NCKAP5: variants seen among roughly 807,000 people sequenced by gnomAD.
NCKAP5 encodes NCK associated protein 5.
NCKAP5 carries 92 observed loss-of-function variants against 167.0 expected under a neutral mutation model. The ratio of observed to expected loss-of-function variants is 0.55; its 90% CI spans 0.47 to 0.66. The LOEUF (loss-of-function observed/expected upper bound fraction) is 0.66. NCKAP5 is among the 30% of genes least tolerant of loss of function. NCKAP5 has a pLI of 0.00. For missense variants in NCKAP5, 2,378 were observed against 2,315.0 expected (o/e 1.03, Z -0.56); for synonymous variants, 891 against 877.4 (o/e 1.02, Z -0.27).
At chr2:133,533,139 A>T (rs1038893923) in intron 2 of NCKAP5, among the ~76,000 whole-genome samples, 1 of 152,242 alleles carries the variant, frequency 6.6e-6, no homozygotes, top group Non-Finnish European at 1.5e-5. Context: ...CAGAGATTGC[A>T]AACCCAAATG....
Position 133,319,423 on chromosome 2 carries a change from A to G in NCKAP5, c.70-16313T>C, listed in dbSNP as rs74455491. Among the ~76,000 whole-genome samples, 1,147 of 152,238 alleles carry G rather than the reference A, an allele frequency of 7.5e-3. 23 individuals carry two copies. Among genetic ancestry groups the G allele is most frequent in the South Asian group, 0.073 (351 of 4,822 alleles). ...GTTTTTCAGGACGAGAGAAGTACCC[A>G]TGATAAATATGATGCAGGTGCACCC... On this transcript the variant is annotated intron_variant, in intron 3 of 19. Transcript: ENST00000409261.
At chr2:132,926,190 A>G in intron 8 of NCKAP5, 1 of 398,986 alleles carries the variant, frequency 2.5e-6, no homozygotes, top group Non-Finnish European at 5.1e-6. Context: ...AATGGCCTCC[A>G]GTTCCATCCA....
Position 132,911,037 on chromosome 2 carries a change from G to A in NCKAP5, c.580-32121C>T, listed in dbSNP as rs146460040. The stretch of plus-strand genomic sequence containing the variant: ...TTCCGTGCCATGTTGTCTTCTGACC[G>A]ACACCACCCATTCGGTAGAGAGACT... On this transcript the variant is annotated intron_variant, in intron 8 of 19. Transcript: ENST00000409261. 4.5e-3 allele frequency: 857 copies of A among 190,372 alleles called. 10 individuals carry two copies. The highest frequency in any genetic ancestry group is 0.019 in the African/African-American group (800 of 42,862). 11.8% of individuals were successfully genotyped at this position (190,372 alleles called of 1,614,324 possible). A position where few individuals can be genotyped will look rare whatever the true frequency, so the allele number is the denominator to read the frequency against.
At chr2:133,376,164 A>T (rs1008473655) in intron 3 of NCKAP5, among the ~76,000 whole-genome samples, 3 of 152,212 alleles carry the variant, frequency 2.0e-5, no homozygotes, top group African/African-American at 7.2e-5. Flanking sequence ...ATCAGAAAGG[A>T]AGAACTGATT....
At chr2:133,014,999 G>A (rs527823623) in intron 6 of NCKAP5, among the ~76,000 whole-genome samples, 145 of 152,236 alleles carry the variant, frequency 9.5e-4, no homozygotes, top group Admixed American at 1.0e-3. Context: ...ATTTTGATGC[G>A]TAGTATTTGT....
the NCKAP5 span, among the ~76,000 whole-genome samples, chr2:133,673,915 T>C: frequency 6.6e-6 from 1 of 152,230 alleles, no homozygotes; most frequent in Non-Finnish European, 1.5e-5. Context: ...TCAGGAACTT[T>C]GTATGTCTTT....
intron 6 of NCKAP5, among the ~76,000 whole-genome samples, chr2:133,018,887 T>C (rs1447300636): frequency 6.6e-6 from 1 of 152,168 alleles, no homozygotes; most frequent in Non-Finnish European, 1.5e-5. Flanking sequence ...GTGTGCCAAG[T>C]GGAGGGTGCC....
intron 3 of NCKAP5, among the ~76,000 whole-genome samples, chr2:133,394,535 T>C (rs1291548152): frequency 6.6e-6 from 1 of 152,230 alleles, no homozygotes; most frequent in Admixed American, 6.5e-5. Context: ...GATTAAAGTC[T>C]AGGTTGTAGT....
chr2:133,561,874 G>A (rs926573457), intron 1 of NCKAP5, among the ~76,000 whole-genome samples: 2 of 152,066 alleles, frequency 1.3e-5, no homozygotes, highest in African/African-American at 4.8e-5. Flanking sequence ...AGAAAACTAA[G>A]TAAATATTAA....
Position 132,783,960 on chromosome 2 carries a change from G to T in NCKAP5, c.2851C>A (p.Pro951Thr). Residue 951 changes from proline (P) to threonine (T), a missense_variant, in exon 14 of 20, where the codon CCT becomes ACT. Pro to Thr is a conservative substitution (Grantham distance 38). This residue lies in a region of NCKAP5 where 1,325 missense variants were observed against 1,274.5 expected (regional missense o/e 1.04). Transcript: ENST00000409261. ...ARPSYDYSPAPSSTKSETRVP... is the reference protein window; with the variant it reads ...ARPSYDYSPATSSTKSETRVP... ...CTGGTTTCGGACTTGGTGGATGAAG[G>T]TGCTGGTGAATAGTCATAGCTGGGC... The T allele has an allele frequency of 1.3e-6, 2 of 1,596,776 alleles. No homozygotes were observed. The highest frequency in any genetic ancestry group is 1.7e-6 in the Non-Finnish European group (2 of 1,172,984).
chr2:132,777,482 A>G (rs1014114676), intron 15 of NCKAP5, among the ~76,000 whole-genome samples: 4 of 152,192 alleles, frequency 2.6e-5, no homozygotes, highest in African/African-American at 9.6e-5. Context: ...TTCTTCCCTG[A>G]ATCATCCTAA....
chr2:133,268,408 G>T (rs975516178), intron 4 of NCKAP5: 3 of 151,872 alleles, frequency 2.0e-5, no homozygotes, highest in Non-Finnish European at 2.9e-5. Flanking sequence ...AGGCAAAGTG[G>T]AGCTCAAGTG....
At chr2:133,371,784 C>T (rs1400754982) in intron 3 of NCKAP5, among the ~76,000 whole-genome samples, 1 of 152,174 alleles carries the variant, frequency 6.6e-6, no homozygotes, top group Non-Finnish European at 1.5e-5. Flanking sequence ...TAATGTGCTG[C>T]CCCTACCTGG....
At chr2:133,451,927 T>G (rs1691576220) in intron 3 of NCKAP5, among the ~76,000 whole-genome samples, 1 of 152,150 alleles carries the variant, frequency 6.6e-6, no homozygotes, top group African/African-American at 2.4e-5. Flanking sequence ...TCAAGCACAA[T>G]TACACACACA....
chr2:132,812,038 C>T (rs1336887359), intron 11 of NCKAP5, among the ~76,000 whole-genome samples: 2 of 152,200 alleles, frequency 1.3e-5, no homozygotes, highest in South Asian at 4.1e-4. Context: ...AACAGAACTT[C>T]AGCTTCTCCA....
intron 8 of NCKAP5, among the ~76,000 whole-genome samples, chr2:132,955,870 T>A (rs1352911863): frequency 1.3e-5 from 2 of 152,172 alleles, no homozygotes; most frequent in African/African-American, 4.8e-5. Flanking sequence ...TGAATTGACA[T>A]CTCATTGTGG....
At chr2:133,334,515 T>C (rs778790180) in intron 3 of NCKAP5, among the ~76,000 whole-genome samples, 1 of 152,178 alleles carries the variant, frequency 6.6e-6, no homozygotes, top group East Asian at 1.9e-4. Flanking sequence ...TGACATTTCA[T>C]AGGTGGCCAT....
At chr2:132,939,711 A>G (rs927799913) in intron 8 of NCKAP5, among the ~76,000 whole-genome samples, 2 of 152,102 alleles carry the variant, frequency 1.3e-5, no homozygotes, top group Admixed American at 1.3e-4. Context: ...TCAATATTGT[A>G]GTTTTTGGCT....
At chr2:133,344,920 A>G (rs142651862) in intron 3 of NCKAP5, among the ~76,000 whole-genome samples, 64 of 152,136 alleles carry the variant, frequency 4.2e-4, no homozygotes, top group African/African-American at 1.4e-3. Context: ...TAAAGGTCAG[A>G]GGAAGTCAGG....
Sources: allele counts gnomAD v4.1 joint callset (sites outside exome capture counted in the v4.1 genomes callset), GRCh38; gene constraint gnomAD v4.1.1; regional missense constraint gnomAD v4.1.1; transcripts MANE v1.5; gene names NCBI Gene and HGNC (gene_info 2026-07-23, HGNC 2026-07-21).